IMPDH1: variants seen among roughly 807,000 people sequenced by gnomAD.
The protein encoded by IMPDH1 is inosine-5'-monophosphate dehydrogenase 1.
A neutral mutation model predicts 73.5 loss-of-function variants in IMPDH1; 41 were observed. The observed-to-expected ratio is 0.56, with a 90% CI of 0.43 to 0.72. IMPDH1 has a LOEUF of 0.72. IMPDH1 is among the 30% of genes least tolerant of loss of function. The pLI is 0.00. For synonymous variants in IMPDH1, 318 were observed against 334.3 expected (o/e 0.95, Z 0.53); for missense variants, 645 against 824.8 (o/e 0.78, Z 2.67).
chr7:128,394,297 C>T lies in IMPDH1; in HGVS notation c.1759G>A (p.Gly587Ser), dbSNP rs1363361794. Residue 587 changes from glycine (G) to serine (S), a missense_variant, in exon 16 of 17, where the codon GGT becomes AGT. Physicochemically the swap from Gly to Ser is moderately conservative, Grantham distance 56. Transcript: ENST00000338791. The surrounding 1 kb of genome is among the most constrained non-coding windows in gnomAD (Gnocchi z 5.5). ...KRTMSAQIEG[G>S]VHGLHSYEKR... Reference sequence around the variant, plus strand: ...ACTTACGAGTGCAGGCCATGGACACCACCCTCAATCTGGGCCGACATGGTC... The same window carrying T: ...ACTTACGAGTGCAGGCCATGGACACTACCCTCAATCTGGGCCGACATGGTC... 6.2e-7 allele frequency: 1 copy of T among 1,613,910 alleles called. No homozygotes were observed. The highest frequency in any genetic ancestry group is 1.3e-5 in the African/African-American group (1 of 74,920).
chr7:128,397,529 C>A (rs989931029), intron 10 of IMPDH1, among the ~76,000 whole-genome samples: 17 of 152,150 alleles, frequency 1.1e-4, no homozygotes, highest in African/African-American at 4.1e-4. Flanking sequence ...CCTCAGAGGC[C>A]TTTGTTTGCA....
At chr7:128,393,091 C>T (rs573189698) in intron 16 of IMPDH1, 63 bp from the exon 17 acceptor site, 37 of 1,578,724 alleles carry the variant, frequency 2.3e-5, no homozygotes, top group African/African-American at 2.3e-4. Flanking sequence ...CTTCCCAAAA[C>T]CCTTTCCCCA....
chr7:128,394,833 C>G lies in IMPDH1; in HGVS notation c.1550+56G>C. ...CATCTGGGGAAGTCGGTGGCATGAG[C>G]GGGCCCTGAAGGGTTGTGGGCTGAT... On this transcript the variant is annotated intron_variant, in intron 14 of 16. Transcript: ENST00000338791. This position sits in a 1 kb window ranked among gnomAD's most constrained non-coding sequence, Gnocchi z 5.5. 6.3e-7 allele frequency: 1 copy of G among 1,599,634 alleles called. No homozygotes were observed. Among genetic ancestry groups the G allele is most frequent in the Non-Finnish European group, 8.5e-7 (1 of 1,171,774 alleles).
Position 128,394,569 on chromosome 7 carries a change from A to G in IMPDH1, c.1581T>C (p.Gly527=), listed in dbSNP as rs756119385. ...SEGDKVKIAQ[G]VSGSIQDKGS... ...CTTTGTCCTGGATGGAGCCCGAGAC[A>G]CCCTGCGCGATCTTCACTTTATCCC... The change falls in exon 15 of 17, where the codon GGT becomes GGC. Residue 527 remains glycine, a synonymous_variant. Coordinates refer to ENST00000338791, the MANE Select transcript of IMPDH1 (RefSeq NM_000883.4). This position sits in a 1 kb window ranked among gnomAD's most constrained non-coding sequence, Gnocchi z 5.5. The G allele has an allele frequency of 1.2e-6, 2 of 1,613,790 alleles. No homozygotes were observed. Among genetic ancestry groups the G allele is most frequent in the Middle Eastern group, 1.7e-4 (1 of 6,038 alleles).
intron 4 of IMPDH1, among the ~76,000 whole-genome samples, chr7:128,405,317 G>C (rs1445009860): frequency 6.6e-6 from 1 of 152,184 alleles, no homozygotes; most frequent in African/African-American, 2.4e-5. Flanking sequence ...TAGACAGTTG[G>C]AAAAGAAGCC....
In IMPDH1 at chr7:128,396,486, C is replaced by A; in HGVS notation, c.1261+114G>T. ...GGGTGGGGCCCATGCCTGGGTCACC[C>A]CGGAGCCTACCATGGCAGAACAGGG... is the stretch of plus-strand genomic sequence containing the variant. On this transcript the variant is annotated intron_variant, in intron 12 of 16. Transcript: ENST00000338791. The surrounding 1 kb of genome is among the most constrained non-coding windows in gnomAD (Gnocchi z 4.0). 2.2e-6 allele frequency: 2 copies of A among 895,180 alleles called. No homozygotes were observed. Among genetic ancestry groups the A allele is most frequent in the Non-Finnish European group, 3.6e-6 (2 of 552,244 alleles). The allele number at this position is 895,180 out of a possible 1,614,324, so 55.5% of individuals were successfully genotyped here.
rs1343579322 is a variant in IMPDH1 at position 128,394,877 on chromosome 7, G to A, written c.1550+12C>T. Reference sequence around the variant, plus strand: ...GGCTGATCTGCCCAGGTGGGGCCCAGGGTCAGGGAACCTGAAGTATCGTTT... The same window carrying A: ...GGCTGATCTGCCCAGGTGGGGCCCAAGGTCAGGGAACCTGAAGTATCGTTT... On this transcript the variant is annotated intron_variant, in intron 14 of 16. Coordinates refer to ENST00000338791, the MANE Select transcript of IMPDH1 (RefSeq NM_000883.4). This position sits in a 1 kb window ranked among gnomAD's most constrained non-coding sequence, Gnocchi z 5.5. 6.2e-7 allele frequency: 1 copy of A among 1,611,048 alleles called. No individual in the cohort carries two copies. The highest frequency in any genetic ancestry group is 1.1e-5 in the South Asian group (1 of 91,006).
rs1417945343 is a variant in IMPDH1 at position 128,392,478 on chromosome 7, A to C, written c.*529T>G. 1 of 159,570 alleles carries C rather than the reference A, an allele frequency of 6.3e-6. No individual in the cohort carries two copies. The highest frequency in any genetic ancestry group is 1.4e-5 in the Non-Finnish European group (1 of 72,276). 9.9% of individuals were successfully genotyped at this position (159,570 alleles called of 1,614,324 possible). ...CAGTCTCCTACCCATGGCCAGGGAC[A>C]GGGGAGCGGCCTGAGGAGCAGGACC... On this transcript the variant is annotated 3_prime_UTR_variant, in exon 17 of 17. Transcript: ENST00000338791.
Position 128,398,478 on chromosome 7 carries a change from G to A in IMPDH1, c.1010C>T (p.Thr337Ile), listed in dbSNP as rs759995866. Residue 337 changes from threonine to isoleucine, a missense_variant, in exon 10 of 17, where the codon ACC becomes ATC. Physicochemically the swap from Thr to Ile is moderately conservative, Grantham distance 89. This residue lies in a region of IMPDH1 where 459 missense variants were observed against 638.2 expected (regional missense o/e 0.72). Transcript: ENST00000338791. This position sits in a 1 kb window ranked among gnomAD's most constrained non-coding sequence, Gnocchi z 4.3. Reference protein sequence around the residue: ...KQLLCGAAVGTREDDKYRLDL... With the variant: ...KQLLCGAAVGIREDDKYRLDL... ...CAGACGGTATTTGTCATCCTCACGG[G>A]TGCCCACAGCTGCCCCACAGAGCAG... The A allele has an allele frequency of 6.2e-7, 1 of 1,613,676 alleles. No homozygotes were observed. Among genetic ancestry groups the A allele is most frequent in the East Asian group, 2.2e-5 (1 of 44,872 alleles).
chr7:128,408,029 T>C (rs1375510411), intron 3 of IMPDH1, among the ~76,000 whole-genome samples: 4 of 152,118 alleles, frequency 2.6e-5, no homozygotes, highest in Non-Finnish European at 5.9e-5. Context: ...TAATCCACCC[T>C]CAACCCCCAC....
chr7:128,405,657 G>A, intron 4 of IMPDH1, 110 bp downstream of exon 4: 1 of 1,401,314 alleles, frequency 7.1e-7, no homozygotes. Context: ...GCCCACAGCA[G>A]GCACTCGCAC....
At chr7:128,403,626 T>A (rs1287651961) in intron 5 of IMPDH1, 80 bp downstream of exon 5, 6 of 1,242,442 alleles carry the variant, frequency 4.8e-6, no homozygotes, top group African/African-American at 3.0e-5. Context: ...CATCTCTCCA[T>A]GCCCTGCCCC....
At chr7:128,404,657 C>T (rs1030145483) in intron 4 of IMPDH1, among the ~76,000 whole-genome samples, 5 of 152,084 alleles carry the variant, frequency 3.3e-5, no homozygotes, top group African/African-American at 1.2e-4. Context: ...TGCCCTAAGG[C>T]CTAGAGAAAC....
chr7:128,402,093 C>T (rs1174139346), intron 5 of IMPDH1, among the ~76,000 whole-genome samples: 1 of 151,928 alleles, frequency 6.6e-6, no homozygotes. Context: ...CCTTGCCGGC[C>T]AGGCAGGGTT....
chr7:128,398,757 C>T lies in IMPDH1; in HGVS notation c.875-144G>A. On this transcript the variant is annotated intron_variant, in intron 9 of 16. Coordinates refer to ENST00000338791, the MANE Select transcript of IMPDH1 (RefSeq NM_000883.4). The surrounding 1 kb of genome is among the most constrained non-coding windows in gnomAD (Gnocchi z 4.3). ...AGCCACTAGGTGACAGCACCGCCCC[C>T]AGGAAGTGTTCCTAGGGACCTAGCC... 1.5e-6 allele frequency: 1 copy of T among 672,240 alleles called. No individual in the cohort carries two copies. The highest frequency in any genetic ancestry group is 2.7e-6 in the Non-Finnish European group (1 of 371,128). 41.6% of individuals were successfully genotyped at this position (672,240 alleles called of 1,614,324 possible).
In IMPDH1 at chr7:128,409,461, T is replaced by G; in HGVS notation, c.170A>C (p.His57Pro). 6.2e-7 allele frequency: 1 copy of G among 1,614,146 alleles called. No homozygotes were observed. Among genetic ancestry groups the G allele is most frequent in the Non-Finnish European group, 8.5e-7 (1 of 1,180,014 alleles). Residue 57 changes from histidine (H) to proline (P), a missense_variant, in exon 2 of 17, where the codon CAC (histidine) becomes CCC (proline). By Grantham distance (77) the His-to-Pro change is moderately conservative (BLOSUM62 -2). This residue lies in a region of IMPDH1 where 186 missense variants were observed against 186.6 expected (regional missense o/e 1.00). Transcript: ENST00000338791. ...GCCACCTGAACGGGGTGTCGTCGGG[T>G]GTGTAGCGAGGTCCAATCTAGGGCT... ...PESPRLDLATHPTTPRSELSS... is the reference protein window; with the variant it reads ...PESPRLDLATPPTTPRSELSS...
chr7:128,399,081 G>A (rs886377888), intron 9 of IMPDH1, among the ~76,000 whole-genome samples: 1 of 152,084 alleles, frequency 6.6e-6, no homozygotes, highest in East Asian at 1.9e-4. Context: ...TCTAACAAGC[G>A]AAAGTTGGCC....
In IMPDH1 at chr7:128,404,068, G is replaced by A. The variant is rs572357012; in HGVS notation, c.354-314C>T. On this transcript the variant is annotated intron_variant, in intron 4 of 16. Transcript: ENST00000338791. The stretch of plus-strand genomic sequence containing the variant: ...CAAGCGACACAGAAGTTCCCATATC[G>A]CCACACACAGCAGACACAGTGCCTG... 3.3e-5 allele frequency among the ~76,000 whole-genome samples: 5 copies of A among 152,290 alleles called. No individual in the cohort carries two copies. In the East Asian group the frequency reaches 7.7e-4, roughly 24 times the overall value.
Position 128,395,221 on chromosome 7 carries a change from C to T in IMPDH1, c.1315G>A (p.Ala439Thr). Residue 439 changes from alanine to threonine, a missense_variant, in exon 13 of 17, where the codon GCC (alanine) becomes ACC (threonine). Physicochemically the swap from Ala to Thr is moderately conservative, Grantham distance 58 (BLOSUM62 0). Around this residue, in one of 2 missense-constraint regions of IMPDH1, gnomAD observed 459 missense variants for 638.2 expected, o/e 0.72. Transcript: ENST00000338791. ...GTAVYKVAEY[A>T]RRFGVPIIAD... is the part of the protein sequence containing the mutation. Reference sequence around the variant, plus strand: ...ATGATGGGCACACCAAAGCGCCGGGCATACTCAGCCACCTTGTACACAGCA... The same window carrying T: ...ATGATGGGCACACCAAAGCGCCGGGTATACTCAGCCACCTTGTACACAGCA... 1 of 1,613,900 alleles carries T rather than the reference C, an allele frequency of 6.2e-7. No individual in the cohort carries two copies. The highest frequency in any genetic ancestry group is 2.2e-5 in the East Asian group (1 of 44,890).
Sources: allele counts gnomAD v4.1 joint callset (sites outside exome capture counted in the v4.1 genomes callset), GRCh38; gene constraint gnomAD v4.1.1; regional missense constraint gnomAD v4.1.1; non-coding constraint Gnocchi (gnomAD v3.1); transcripts MANE v1.5; gene names NCBI Gene and HGNC (gene_info 2026-07-23, HGNC 2026-07-21).